The following ST6GALNAC3 variants were observed in gnomAD, a reference collection of about 807,000 sequenced individuals.
ST6GALNAC3 encodes the protein alpha-N-acetylgalactosaminide alpha-2,6-sialyltransferase 3.
ST6GALNAC3 carries 25 observed loss-of-function variants against 32.7 expected under a neutral mutation model. That is an observed-to-expected ratio of 0.76 (90% CI 0.56 to 1.07). ST6GALNAC3 has a LOEUF of 1.07. ST6GALNAC3 is among the 50% of genes least tolerant of loss of function. The pLI, the probability that ST6GALNAC3 is intolerant of heterozygous loss-of-function variation, is 0.00. For missense variants in ST6GALNAC3, 355 were observed against 382.4 expected (o/e 0.93, Z 0.60); for synonymous variants, 129 against 133.1 (o/e 0.97, Z 0.21).
intron 3 of ST6GALNAC3, among the ~76,000 whole-genome samples, chr1:76,537,603 T>C (rs1286303004): frequency 6.6e-6 from 1 of 151,954 alleles, no homozygotes; most frequent in African/African-American, 2.4e-5. Context: ...AAGAATCAAA[T>C]AAATAATGAT....
At chr1:76,242,646 C>T (rs1426001740) in intron 1 of ST6GALNAC3, among the ~76,000 whole-genome samples, 2 of 152,064 alleles carry the variant, frequency 1.3e-5, no homozygotes, top group African/African-American at 4.8e-5. Context: ...TGATGTTCCC[C>T]TCCCTGTGTC....
intron 3 of ST6GALNAC3, among the ~76,000 whole-genome samples, chr1:76,559,697 C>T (rs1384378490): frequency 1.3e-5 from 2 of 152,120 alleles, no homozygotes; most frequent in African/African-American, 4.8e-5. Flanking sequence ...AGAACCAAAA[C>T]TCAGGTGAGC....
At chr1:76,206,478 G>A (rs1215471404) in intron 1 of ST6GALNAC3, among the ~76,000 whole-genome samples, 1 of 152,138 alleles carries the variant, frequency 6.6e-6, no homozygotes, top group Non-Finnish European at 1.5e-5. Context: ...AATGATCACA[G>A]CTGGAAAAAT....
rs149566451 is a variant in ST6GALNAC3, at chr1:76,337,257, A to T, written c.213+23258A>T. ...GCACTCTCTGGCTGCTGTATCAGCA[A>T]TTGGATGCTTGCCCAGGCTCTGCAG... On this transcript the variant is annotated intron_variant, in intron 2 of 4. Transcript: ENST00000328299. 1.1e-3 allele frequency among the ~76,000 whole-genome samples: 168 copies of T among 152,298 alleles called. 1 individual carries two copies. Among genetic ancestry groups the T allele is most frequent in the African/African-American group, 3.8e-3 (160 of 41,584 alleles).
At chr1:76,420,721 C>A (rs1332488558) in intron 3 of ST6GALNAC3, among the ~76,000 whole-genome samples, 1 of 152,026 alleles carries the variant, frequency 6.6e-6, no homozygotes, top group South Asian at 2.1e-4. Flanking sequence ...CTCACACATA[C>A]GTGACTGCTT....
At chr1:76,148,898 A>C (rs1650862571) in intron 1 of ST6GALNAC3, among the ~76,000 whole-genome samples, 1 of 152,242 alleles carries the variant, frequency 6.6e-6, no homozygotes, top group Admixed American at 6.5e-5. Flanking sequence ...GAAGTAGCAA[A>C]GGCTTAGAAT....
At chr1:76,518,114 ACTTG>A (rs1041633669) in intron 3 of ST6GALNAC3, among the ~76,000 whole-genome samples, 23 of 152,056 alleles carry the variant, frequency 1.5e-4, no homozygotes, top group African/African-American at 4.6e-4. Context: ...ACAACAGTGA[ACTTG>A]TTTATTTCTC....
intron 3 of ST6GALNAC3, among the ~76,000 whole-genome samples, chr1:76,599,262 A>G (rs1311280379): frequency 6.6e-6 from 1 of 151,978 alleles, no homozygotes; most frequent in Non-Finnish European, 1.5e-5. Context: ...TGAGGTTATT[A>G]TAAGGGAACT....
chr1:76,331,961 C>T (rs769024020), intron 2 of ST6GALNAC3, among the ~76,000 whole-genome samples: 62 of 152,176 alleles, frequency 4.1e-4, no homozygotes, highest in Admixed American at 7.2e-4. Flanking sequence ...TGAAGTTTCT[C>T]GAAAGATTGA....
chr1:76,328,030 T>C (rs1234943327), intron 2 of ST6GALNAC3, among the ~76,000 whole-genome samples: 1 of 152,190 alleles, frequency 6.6e-6, no homozygotes, highest in Non-Finnish European at 1.5e-5. Context: ...TTATACAAAA[T>C]TATTATCCCA....
chr1:76,483,065 T>C (rs150968610), intron 3 of ST6GALNAC3, among the ~76,000 whole-genome samples: 2 of 152,258 alleles, frequency 1.3e-5, no homozygotes, highest in East Asian at 3.9e-4. Context: ...TTATCCTTTT[T>C]ATGGCTGCAT....
intron 2 of ST6GALNAC3, among the ~76,000 whole-genome samples, chr1:76,343,515 G>A (rs1648237995): frequency 6.6e-6 from 1 of 152,182 alleles, no homozygotes; most frequent in Admixed American, 6.5e-5. Context: ...AGAAAGCATG[G>A]AAAAGTAGTC....
intron 2 of ST6GALNAC3, among the ~76,000 whole-genome samples, chr1:76,318,098 A>T (rs12078910): frequency 6.6e-6 from 1 of 150,496 alleles, no homozygotes; most frequent in African/African-American, 2.4e-5. Context: ...TTCCCAGGGG[A>T]AATACAAAAA....
chr1:76,362,811 G>T (rs940566965), intron 2 of ST6GALNAC3, among the ~76,000 whole-genome samples: 2 of 152,332 alleles, frequency 1.3e-5, no homozygotes, highest in African/African-American at 4.8e-5. Context: ...TGTCCATGTG[G>T]CTTTGCAGGG....
chr1:76,469,223 G>C (rs1401423768), intron 3 of ST6GALNAC3, among the ~76,000 whole-genome samples: 1 of 151,934 alleles, frequency 6.6e-6, no homozygotes, highest in Non-Finnish European at 1.5e-5. Flanking sequence ...TATTTATTGT[G>C]ATCCTAACAC....
intron 2 of ST6GALNAC3, among the ~76,000 whole-genome samples, chr1:76,375,241 A>C (rs752218465): frequency 6.6e-6 from 1 of 152,184 alleles, no homozygotes; most frequent in Non-Finnish European, 1.5e-5. Context: ...GGGGAATTAT[A>C]CTTTGGATTG....
chr1:76,237,620 G>GA (rs953022370), intron 1 of ST6GALNAC3, among the ~76,000 whole-genome samples: 7 of 151,974 alleles, frequency 4.6e-5, no homozygotes, highest in Non-Finnish European at 1.0e-4. Flanking sequence ...TAAATGGAGG[G>GA]AAAAAAACCC....
chr1:76,189,845 T>A (rs1437035128), intron 1 of ST6GALNAC3, among the ~76,000 whole-genome samples: 4 of 152,102 alleles, frequency 2.6e-5, no homozygotes, highest in East Asian at 3.9e-4. Flanking sequence ...ATGTTAAGCA[T>A]ACCTTAGAGG....
chr1:76,154,837 A>G (rs1019787898), intron 1 of ST6GALNAC3, among the ~76,000 whole-genome samples: 8 of 152,118 alleles, frequency 5.3e-5, no homozygotes, highest in Admixed American at 3.9e-4. Flanking sequence ...CACCAGCTCA[A>G]TACACCAGGG....
Sources: allele counts gnomAD v4.1 joint callset (sites outside exome capture counted in the v4.1 genomes callset), GRCh38; gene constraint gnomAD v4.1.1; transcripts MANE v1.5; gene names NCBI Gene and HGNC (gene_info 2026-07-23, HGNC 2026-07-21).